Variants in PAFAH2 observed in about 807,000 individuals in gnomAD.
PAFAH2 encodes platelet activating factor acetylhydrolase 2, also known as platelet-activating factor acetylhydrolase 2, cytoplasmic.
Under a neutral mutation model 49.0 loss-of-function variants are expected in PAFAH2, and 42 were observed. That is an observed-to-expected ratio of 0.86 (90% CI 0.67 to 1.11). The LOEUF is 1.11. Among genes scored for constraint, PAFAH2 ranks in the 50% least tolerant of loss-of-function variants. The pLI is 0.00. For missense variants in PAFAH2, 503 were observed against 501.8 expected, an observed-to-expected ratio of 1.00 and a Z score of -0.02; for synonymous variants, 184 against 181.3, an observed-to-expected ratio of 1.01 and a Z score of -0.12.
At chr1:25,980,928 C>T (rs2049678253) in intron 7 of PAFAH2, among the ~76,000 whole-genome samples, 1 of 151,774 alleles carries the variant, frequency 6.6e-6, no homozygotes. Flanking sequence ...GAGGTAGCTA[C>T]AGTGAGTGGT....
intron 7 of PAFAH2, among the ~76,000 whole-genome samples, chr1:25,980,409 G>A (rs1467876578): frequency 4.0e-5 from 6 of 151,036 alleles, no homozygotes; most frequent in South Asian, 4.2e-4. Context: ...TGCAACCTCC[G>A]CCTCTTGGGT....
intron 1 of PAFAH2, among the ~76,000 whole-genome samples, chr1:25,991,561 C>A (rs940638518): frequency 6.8e-6 from 1 of 146,032 alleles, no homozygotes; most frequent in South Asian, 2.3e-4. Flanking sequence ...GGATTACAGG[C>A]GTGAGCCACC....
intron 9 of PAFAH2, among the ~76,000 whole-genome samples, chr1:25,973,534 T>TAAGTC (rs1215768278): frequency 6.6e-6 from 1 of 152,136 alleles, no homozygotes; most frequent in Non-Finnish European, 1.5e-5. Context: ...GTGTACCCCT[T>TAAGTC]CCCAACTGGC....
intron 5 of PAFAH2, 23 bp from the exon 6 acceptor site, chr1:25,984,110 G>C (rs769474369): frequency 6.2e-7 from 1 of 1,613,092 alleles, no homozygotes; most frequent in Non-Finnish European, 8.5e-7. Context: ...CATCATCAGA[G>C]AGAAACCAGA....
rs541231691 is a variant in PAFAH2, at chr1:25,989,539, C to T, written c.153G>A (p.Leu51=). Reference sequence around the variant, plus strand: ...TGCAGTACTCATAGCGGGGAATCCACAGGGGCTGCTCCATGGTCTCCTCTG... The same window carrying T: ...TGCAGTACTCATAGCGGGGAATCCATAGGGGCTGCTCCATGGTCTCCTCTG... ...QKAEETMEQP[L]WIPRYEYCTG... The change falls in exon 3 of 11, where the codon CTG becomes CTA. Residue 51 remains leucine (L), a synonymous_variant. Coordinates refer to ENST00000374282, the MANE Select transcript of PAFAH2 (RefSeq NM_000437.4). 5 of 1,612,888 alleles carry T rather than the reference C, an allele frequency of 3.1e-6. No individual in the cohort carries two copies. Among genetic ancestry groups the T allele is most frequent in the East Asian group, 4.5e-5 (2 of 44,792 alleles).
rs569847143 is a variant in PAFAH2, at chr1:25,984,414, T to C, written c.410+46A>G. The C allele has an allele frequency of 4.3e-6, 6 of 1,402,578 alleles. No individual in the cohort carries two copies. In the South Asian group the frequency reaches 5.8e-5, roughly 14 times the overall value. 86.9% of individuals were successfully genotyped at this position (1,402,578 alleles called of 1,614,324 possible). A position where few individuals can be genotyped will look rare whatever the true frequency, so the allele number is the denominator to read the frequency against. ...TACATTGATAGGGGACTAGCCTATATCCTAGCTCACTGCAGGCACCCAATC... is the reference window on the plus strand; with the variant it reads ...TACATTGATAGGGGACTAGCCTATACCCTAGCTCACTGCAGGCACCCAATC... On this transcript the variant is annotated intron_variant, in intron 5 of 10. Transcript: ENST00000374282.
chr1:25,974,650 C>T lies in PAFAH2; in HGVS notation c.759G>A (p.Arg253=), dbSNP rs1370862956. The T allele has an allele frequency of 6.2e-7, 1 of 1,612,064 alleles. No homozygotes were observed. Among genetic ancestry groups the T allele is most frequent in the Admixed American group, 1.7e-5 (1 of 59,836 alleles). ...ILALAKETQF[R]CAVALDAWMF... ...TCCAAGCATCCAGAGCCACCGCACACCTGGAATAGGACCAGACATTTGGAA... is the reference window on the plus strand; with the variant it reads ...TCCAAGCATCCAGAGCCACCGCACATCTGGAATAGGACCAGACATTTGGAA... The change falls in exon 9 of 11, where the codon CGG becomes CGA. Residue 253 remains arginine, a splice_region_variant and synonymous_variant. Coordinates refer to ENST00000374282, the MANE Select transcript of PAFAH2 (RefSeq NM_000437.4).
At chr1:25,970,194 C>T (rs934322100) in intron 10 of PAFAH2, among the ~76,000 whole-genome samples, 1 of 152,130 alleles carries the variant, frequency 6.6e-6, no homozygotes, top group Non-Finnish European at 1.5e-5. Flanking sequence ...CGGCCAGGCG[C>T]GATGGCTCAC....
chr1:25,973,720 T>C (rs1434224289), intron 9 of PAFAH2, among the ~76,000 whole-genome samples: 1 of 152,208 alleles, frequency 6.6e-6, no homozygotes, highest in East Asian at 1.9e-4. Context: ...GCTCTGGATT[T>C]GGCACTTCAA....
At chr1:25,976,655 G>A in intron 8 of PAFAH2, 27 bp downstream of exon 8, 1 of 1,516,458 alleles carries the variant, frequency 6.6e-7, no homozygotes, top group Non-Finnish European at 9.2e-7. Context: ...ATGGAGCTAA[G>A]CACAGCAACA....
intron 4 of PAFAH2, among the ~76,000 whole-genome samples, chr1:25,986,864 T>C (rs530901109): frequency 6.6e-6 from 1 of 152,138 alleles, no homozygotes; most frequent in Non-Finnish European, 1.5e-5. Flanking sequence ...CATTCATTCA[T>C]TCACTCAACA....
chr1:25,985,647 C>T (rs1290246382), intron 4 of PAFAH2, among the ~76,000 whole-genome samples: 1 of 152,212 alleles, frequency 6.6e-6, no homozygotes. Flanking sequence ...TATAATCTTC[C>T]TGAAGGTAGG....
intron 3 of PAFAH2, 32 bp downstream of exon 3, chr1:25,989,416 G>C (rs372448537): frequency 5.9e-6 from 9 of 1,523,560 alleles, no homozygotes; most frequent in Non-Finnish European, 7.1e-6. Flanking sequence ...CAAGCAACTG[G>C]GAAAGCATGC....
chr1:25,990,167 C>T (rs1236015359), intron 2 of PAFAH2, among the ~76,000 whole-genome samples: 2 of 152,024 alleles, frequency 1.3e-5, no homozygotes, highest in Non-Finnish European at 2.9e-5. Flanking sequence ...TTTGGGAAGC[C>T]GAGGTAGGAG....
intron 6 of PAFAH2, among the ~76,000 whole-genome samples, chr1:25,982,681 T>C (rs1337860492): frequency 6.6e-6 from 1 of 152,214 alleles, no homozygotes; most frequent in Non-Finnish European, 1.5e-5. Flanking sequence ...GACTCAGCCC[T>C]GTTGTTCTGA....
At position 25,962,461 on chromosome 1, in the gene PAFAH2, A is replaced by G. The variant is rs890078106; in HGVS notation, c.1085-378T>C. ...AATTCAGGAAACTGAGGATCAGGGA[A>G]GCTACCTGAGTTGCCCAAGGTCATT... On this transcript the variant is annotated intron_variant, in intron 10 of 10. Transcript: ENST00000374282. Among the ~76,000 whole-genome samples, 10 of 152,286 alleles carry G rather than the reference A, an allele frequency of 6.6e-5. 1 individual carries two copies. Among genetic ancestry groups the G allele is most frequent in the African/African-American group, 1.9e-4 (8 of 41,564 alleles).
intron 1 of PAFAH2, among the ~76,000 whole-genome samples, chr1:25,992,909 C>T (rs966113809): frequency 8.5e-5 from 13 of 152,114 alleles, no homozygotes; most frequent in African/African-American, 2.4e-4. Context: ...TTTGGTATGA[C>T]GGTTGAGGGG....
At chr1:25,993,231 A>G (rs2049898542) in intron 1 of PAFAH2, among the ~76,000 whole-genome samples, 1 of 152,170 alleles carries the variant, frequency 6.6e-6, no homozygotes, top group Non-Finnish European at 1.5e-5. Context: ...ATGGATACAC[A>G]CTGAGTCTGG....
rs781236932 is a variant in PAFAH2, at chr1:25,983,956, C to T, written c.542G>A (p.Arg181Gln). ...CTGGCACAAACTTACCTGGGGATTC[C>T]GAACATGAAATTCCTTCTCCCCTTC... ...VEEGEKEFHV[R>Q]NPQVHQRVSE... is the part of the protein sequence containing the mutation. The change falls in exon 6 of 11, where the codon CGG becomes CAG. Residue 181 changes from arginine (R) to glutamine (Q), a missense_variant. Physicochemically the swap from Arg to Gln is conservative, Grantham distance 43. Transcript: ENST00000374282. 8 of 1,613,980 alleles carry T rather than the reference C, an allele frequency of 5.0e-6. No homozygotes were observed. The highest frequency in any genetic ancestry group is 1.3e-5 in the African/African-American group (1 of 74,890).
Sources: gnomAD v4.1 joint callset for allele counts (sites outside exome capture counted in the v4.1 genomes callset) on GRCh38, gnomAD v4.1.1 for gene constraint, MANE v1.5 for transcripts, NCBI Gene and HGNC (gene_info 2026-07-23, HGNC 2026-07-21) for gene names.